Variants in PTPN3 observed in about 807,000 individuals in gnomAD.
The protein encoded by PTPN3 is protein tyrosine phosphatase non-receptor type 3, also known as tyrosine-protein phosphatase non-receptor type 3.
In PTPN3, 96 loss-of-function variants were observed where a neutral mutation model predicts 132.7. The observed-to-expected ratio is 0.72, with a 90% CI of 0.61 to 0.86. PTPN3 has a LOEUF of 0.86. Ranked by LOEUF, PTPN3 falls within the 40% of genes least tolerant of loss-of-function variation. The probability of loss-of-function intolerance (pLI) is 0.00; values close to 1 mark genes in which losing one functional copy is unlikely to be tolerated. For synonymous variants in PTPN3, 398 were observed against 429.0 expected (o/e 0.93, Z 0.89); for missense variants, 1,125 against 1,159.6 (o/e 0.97, Z 0.43).
intron 9 of PTPN3, among the ~76,000 whole-genome samples, chr9:109,433,871 T>C (rs1843834370): frequency 6.7e-6 from 1 of 148,456 alleles, no homozygotes; most frequent in East Asian, 2.0e-4. Context: ...TGAGCCGTGA[T>C]TGTGCCACCA....
At chr9:109,453,710 T>C (rs908120624) in intron 5 of PTPN3, among the ~76,000 whole-genome samples, 2 of 152,122 alleles carry the variant, frequency 1.3e-5, no homozygotes, top group Non-Finnish European at 2.9e-5. Context: ...GGGGATCTGA[T>C]AGAAAATTCT....
chr9:109,535,278 AG>A, the PTPN3 span, among the ~76,000 whole-genome samples: 1 of 152,204 alleles, frequency 6.6e-6, no homozygotes, highest in African/African-American at 2.4e-5. Context: ...ACTGGCCGGC[AG>A]ACTCCACATA....
chr9:109,422,217 T>G (rs1470406373), intron 13 of PTPN3, among the ~76,000 whole-genome samples: 2 of 152,172 alleles, frequency 1.3e-5, no homozygotes, highest in Non-Finnish European at 2.9e-5. Context: ...GACCACCTAT[T>G]TCTTTTTAAG....
chr9:109,423,051 G>A (rs1842992686), intron 12 of PTPN3, among the ~76,000 whole-genome samples, 199 bp from the exon 13 acceptor site: 2 of 152,176 alleles, frequency 1.3e-5, no homozygotes, highest in Non-Finnish European at 2.9e-5. Flanking sequence ...TTCTCTTCGG[G>A]TGAAAATCCT....
At chr9:109,526,784 A>G in the PTPN3 span, among the ~76,000 whole-genome samples, 1 of 152,242 alleles carries the variant, frequency 6.6e-6, no homozygotes, top group Non-Finnish European at 1.5e-5. Context: ...TTATAAAGCT[A>G]TAGCAATTAA....
At chr9:109,393,448 C>T (rs1235088150) in intron 19 of PTPN3, among the ~76,000 whole-genome samples, 1 of 138,822 alleles carries the variant, frequency 7.2e-6, no homozygotes, top group African/African-American at 2.8e-5. Flanking sequence ...TGAAGTGGTG[C>T]GATCTCGGCT....
the PTPN3 span, among the ~76,000 whole-genome samples, chr9:109,515,730 G>GAGT: frequency 3.9e-5 from 6 of 152,288 alleles, no homozygotes; most frequent in Non-Finnish European, 5.9e-5. Flanking sequence ...GCAAGAGAGG[G>GAGT]AGTAAGCAAG....
At chr9:109,415,077 A>ACCAACCATCCAT (rs1554786814) in intron 14 of PTPN3, among the ~76,000 whole-genome samples, 1 of 125,074 alleles carries the variant, frequency 8.0e-6, no homozygotes, top group African/African-American at 3.2e-5. Context: ...CGTCCATCCA[A>ACCAACCATCCAT]CCATCCATCC....
chr9:109,533,896 A>G, the PTPN3 span: 11 of 759,500 alleles, frequency 1.4e-5, no homozygotes, highest in South Asian at 6.0e-5. Flanking sequence ...GATAGCATCT[A>G]TAAGGGTTAC....
At chr9:109,390,990 C>T (rs951640782) in intron 21 of PTPN3, 148 bp downstream of exon 21, 1 of 698,386 alleles carries the variant, frequency 1.4e-6, no homozygotes, top group Non-Finnish European at 2.4e-6. Flanking sequence ...TGAGACTATT[C>T]TGCCTGCCCT....
chr9:109,465,054 C>T (rs1353850851), intron 1 of PTPN3, among the ~76,000 whole-genome samples: 1 of 152,108 alleles, frequency 6.6e-6, no homozygotes, highest in Non-Finnish European at 1.5e-5. Flanking sequence ...GTGTACTTTT[C>T]CATATGTATG....
At chr9:109,501,890 A>T (rs1252992832), upstream of PTPN3, among the ~76,000 whole-genome samples, 4 of 152,176 alleles carry the variant, frequency 2.6e-5, no homozygotes, top group Admixed American at 2.6e-4. Context: ...AGTCCTGATG[A>T]TGTTTGCTGA....
chr9:109,407,754 G>A (rs1841687488), intron 17 of PTPN3, among the ~76,000 whole-genome samples: 1 of 152,116 alleles, frequency 6.6e-6, no homozygotes, highest in East Asian at 1.9e-4. Context: ...CTGTTGGCCA[G>A]GCAGGTTGGT....
the PTPN3 span, among the ~76,000 whole-genome samples, chr9:109,519,391 C>T: frequency 2.6e-5 from 4 of 152,152 alleles, no homozygotes; most frequent in Non-Finnish European, 5.9e-5. Context: ...CTATGATGTT[C>T]AGTAGGTTAG....
intron 5 of PTPN3, chr9:109,450,732 A>G (rs1317240671): frequency 1.0e-5 from 10 of 985,318 alleles, no homozygotes; most frequent in Admixed American, 6.1e-5. Flanking sequence ...TTTATTTAAC[A>G]ATTAGAATAC....
intron 5 of PTPN3, among the ~76,000 whole-genome samples, chr9:109,453,123 A>G (rs1845362604): frequency 6.6e-6 from 1 of 152,228 alleles, no homozygotes; most frequent in Non-Finnish European, 1.5e-5. Context: ...AATAAAAAAT[A>G]CAGTCAAATT....
chr9:109,500,003 C>G (rs1267786576), upstream of PTPN3, among the ~76,000 whole-genome samples: 1 of 152,210 alleles, frequency 6.6e-6, no homozygotes, highest in African/African-American at 2.4e-5. Flanking sequence ...GAGGGGCAGG[C>G]GACGCCCCCC....
At chr9:109,396,393 T>G (rs2131668618) in intron 19 of PTPN3, among the ~76,000 whole-genome samples, 1 of 152,314 alleles carries the variant, frequency 6.6e-6, no homozygotes, top group Middle Eastern at 3.4e-3. Context: ...TTTTTCATTT[T>G]CCAATTCATC....
At chr9:109,476,465 C>T (rs1484698681) in intron 1 of PTPN3, among the ~76,000 whole-genome samples, 7 of 152,242 alleles carry the variant, frequency 4.6e-5, no homozygotes, top group Admixed American at 2.6e-4. Flanking sequence ...TATGTCATTG[C>T]TGCTGTTGAT....
Sources: gnomAD v4.1 joint callset for allele counts (sites outside exome capture counted in the v4.1 genomes callset) on GRCh38, gnomAD v4.1.1 for gene constraint, MANE v1.5 for transcripts, NCBI Gene and HGNC (gene_info 2026-07-23, HGNC 2026-07-21) for gene names.